The following CELSR2 variants were observed in gnomAD, a reference collection of about 807,000 sequenced individuals.
CELSR2 encodes cadherin EGF LAG seven-pass G-type receptor 2.
Under a neutral mutation model 251.6 loss-of-function variants are expected in CELSR2, and 81 were observed. The ratio of observed to expected loss-of-function variants is 0.32; its 90% CI spans 0.27 to 0.39. The LOEUF is 0.39. Among genes scored for constraint, CELSR2 ranks in the 10% least tolerant of loss-of-function variants. CELSR2 has a pLI of 1.00. For missense variants in CELSR2, 3,365 were observed against 3,947.7 expected (o/e 0.85, Z 3.96); for synonymous variants, 1,721 against 1,670.5 (o/e 1.03, Z -0.74).
At chr1:109,267,521 C>A in intron 15 of CELSR2, 27 bp from the exon 16 acceptor site, 1 of 1,606,772 alleles carries the variant, frequency 6.2e-7, no homozygotes, top group South Asian at 1.1e-5. Flanking sequence ...CTCCCTGAGG[C>A]CGGCCCTTTT....
At position 109,262,824 on chromosome 1, in the gene CELSR2, G is replaced by T; in HGVS notation, c.4563G>T (p.Gly1521=). The stretch of plus-strand genomic sequence containing the variant: ...CCCCCAGGTCTCTGGATCTGACGGG[G>T]CCCCTGCTACTAGGCGGGGTGCCTG... ...GGSKKSLDLT[G]PLLLGGVPDL... The change falls in exon 7 of 34, where the codon GGG becomes GGT. Residue 1521 remains glycine, a synonymous_variant. Transcript: ENST00000271332. The T allele has an allele frequency of 6.2e-7, 1 of 1,613,186 alleles. No individual in the cohort carries two copies. The highest frequency in any genetic ancestry group is 8.5e-7 in the Non-Finnish European group (1 of 1,179,750).
Position 109,269,813 on chromosome 1 carries a change from G to T in CELSR2, c.7100G>T (p.Arg2367Leu), listed in dbSNP as rs531584869. The change falls in exon 22 of 34, where the codon CGG (arginine) becomes CTG (leucine). Residue 2367 changes from arginine to leucine, a missense_variant. By Grantham distance (102) the Arg-to-Leu change is moderately radical. This residue lies in a region of CELSR2 where 2,093 missense variants were observed against 2,382.8 expected (regional missense o/e 0.88). Coordinates refer to ENST00000271332, the MANE Select transcript of CELSR2 (RefSeq NM_001408.3). The surrounding 1 kb of genome is among the most constrained non-coding windows in gnomAD (Gnocchi z 6.4). Reference sequence around the variant, plus strand: ...TTCGCTGTGCTCATGGACGTTTCTCGGCGGGAGGTCGGGCCCACAGGGGCA... The same window carrying T: ...TTCGCTGTGCTCATGGACGTTTCTCTGCGGGAGGTCGGGCCCACAGGGGCA... ...TSFAVLMDVS[R>L]RENGEILPLK... The T allele has an allele frequency of 6.2e-7, 1 of 1,612,622 alleles. No individual in the cohort carries two copies. Among genetic ancestry groups the T allele is most frequent in the African/African-American group, 1.3e-5 (1 of 74,908 alleles).
At chr1:109,262,205 A>AGAG in intron 5 of CELSR2, 82 bp from the exon 6 acceptor site, 3 of 1,548,766 alleles carry the variant, frequency 1.9e-6, no homozygotes, top group Non-Finnish European at 2.6e-6. Flanking sequence ...GGGTGCACAC[A>AGAG]GAGGCACCCA....
At position 109,269,753 on chromosome 1, in the gene CELSR2, G is replaced by A. The variant is rs762016317; in HGVS notation, c.7040G>A (p.Ser2347Asn). The A allele has an allele frequency of 1.9e-6, 3 of 1,613,872 alleles. No individual in the cohort carries two copies. The highest frequency in any genetic ancestry group is 2.5e-6 in the Non-Finnish European group (3 of 1,180,024). Reference protein sequence around the residue: ...RGCEVVFRNESHVSCQCNHMT... With the variant: ...RGCEVVFRNENHVSCQCNHMT... The stretch of plus-strand genomic sequence containing the variant: ...TGTGAAGTCGTCTTCCGCAATGAGA[G>A]CCACGTCAGCTGCCAGTGCAACCAC... Residue 2347 changes from serine (S) to asparagine (N), a missense_variant, in exon 22 of 34, where the codon AGC becomes AAC. Coordinates refer to ENST00000271332, the MANE Select transcript of CELSR2 (RefSeq NM_001408.3). The surrounding 1 kb of genome is among the most constrained non-coding windows in gnomAD (Gnocchi z 6.4).
At chr1:109,273,912 C>A in intron 33 of CELSR2, 110 bp from the exon 34 acceptor site, 1 of 1,423,214 alleles carries the variant, frequency 7.0e-7, no homozygotes, top group Non-Finnish European at 9.9e-7. Flanking sequence ...GGATGGGGAG[C>A]TGGGGGTGCT....
intron 15 of CELSR2, 36 bp downstream of exon 15, chr1:109,266,242 A>G: frequency 6.2e-7 from 1 of 1,610,156 alleles, no homozygotes; most frequent in Non-Finnish European, 8.5e-7. Flanking sequence ...TGTCGAGGAC[A>G]TGGCCTCTGC....
chr1:109,261,554 G>A lies in CELSR2; in HGVS notation c.4223G>A (p.Gly1408Glu). Residue 1408 changes from glycine (G) to glutamate (E), a missense_variant, in exon 4 of 34, where the codon GGG becomes GAG. Physicochemically the swap from Gly to Glu is moderately conservative, Grantham distance 98. This residue lies in a region of CELSR2 where 2,093 missense variants were observed against 2,382.8 expected (regional missense o/e 0.88). Coordinates refer to ENST00000271332, the MANE Select transcript of CELSR2 (RefSeq NM_001408.3). The surrounding 1 kb of genome is among the most constrained non-coding windows in gnomAD (Gnocchi z 4.8). ...KERDGLLLYNGRFNEKHDFVA... is the reference protein window; with the variant it reads ...KERDGLLLYNERFNEKHDFVA... Reference sequence around the variant, plus strand: ...CGCGACGGGTTGCTGTTGTACAATGGGCGTTTCAATGAGAAGCATGACTTT... The same window carrying A: ...CGCGACGGGTTGCTGTTGTACAATGAGCGTTTCAATGAGAAGCATGACTTT... The A allele has an allele frequency of 6.2e-7, 1 of 1,614,196 alleles. No homozygotes were observed. The highest frequency in any genetic ancestry group is 8.5e-7 in the Non-Finnish European group (1 of 1,180,026).
In CELSR2 at chr1:109,249,881, G is replaced by A. The variant is rs1325764606; in HGVS notation, c.-199G>A. ...GACCCGGGAGCGGGTCTGGCTCAGG[G>A]GGCAGTGGGAGCCCGGGCTCGTCGG... On this transcript the variant is annotated 5_prime_UTR_variant, in exon 1 of 34. Transcript: ENST00000271332. 6 of 340,856 alleles carry A rather than the reference G, an allele frequency of 1.8e-5. No individual in the cohort carries two copies. The highest frequency in any genetic ancestry group is 1.3e-4 in the African/African-American group (6 of 45,600). The allele number at this position is 340,856 out of a possible 1,614,324, so 21.1% of individuals were successfully genotyped here. A position where few individuals can be genotyped will look rare whatever the true frequency, so the allele number is the denominator to read the frequency against.
rs746502038 is a variant in CELSR2, at chr1:109,262,821, G to A, written c.4560G>A (p.Thr1520=). 4.3e-6 allele frequency: 7 copies of A among 1,612,988 alleles called. No individual in the cohort carries two copies. Among genetic ancestry groups the A allele is most frequent in the South Asian group, 2.2e-5 (2 of 91,080 alleles). Residue 1520 remains threonine (T), a synonymous_variant, in exon 7 of 34, where the codon ACG becomes ACA. Coordinates refer to ENST00000271332, the MANE Select transcript of CELSR2 (RefSeq NM_001408.3). ...GCTCCCCCAGGTCTCTGGATCTGAC[G>A]GGGCCCCTGCTACTAGGCGGGGTGC... is the stretch of plus-strand genomic sequence containing the variant. ...QGGSKKSLDL[T]GPLLLGGVPD...
In CELSR2 at chr1:109,272,912, C is replaced by T. The variant is rs749854837; in HGVS notation, c.8223C>T (p.Asp2741=). 1.2e-6 allele frequency: 2 copies of T among 1,613,914 alleles called. No homozygotes were observed. The highest frequency in any genetic ancestry group is 4.5e-5 in the East Asian group (2 of 44,870). Reference sequence around the variant, plus strand: ...CCTATGCCTCTACCCACTCATCAGACAGTGAGGAGGAAGAAGAGGAGGAGG... The same window carrying T: ...CCTATGCCTCTACCCACTCATCAGATAGTGAGGAGGAAGAAGAGGAGGAGG... ...SGSYASTHSS[D]SEEEEEEEEE... The change falls in exon 31 of 34, where the codon GAC becomes GAT. Residue 2741 remains aspartate (D), a synonymous_variant. Coordinates refer to ENST00000271332, the MANE Select transcript of CELSR2 (RefSeq NM_001408.3).
chr1:109,273,958 TCTC>T (rs1187919990), intron 33 of CELSR2, 61 bp from the exon 34 acceptor site: 2 of 1,587,780 alleles, frequency 1.3e-6, no homozygotes, highest in Admixed American at 1.7e-5. Flanking sequence ...GCTTTCACTC[TCTC>T]CTCTGTTTCA....
At chr1:109,256,841 G>A (rs188673856) in intron 1 of CELSR2, among the ~76,000 whole-genome samples, 2 of 152,250 alleles carry the variant, frequency 1.3e-5, no homozygotes, top group African/African-American at 4.8e-5. Context: ...TGTATTTTTA[G>A]TAGAGACGGG....
Position 109,269,044 on chromosome 1 carries a change from C to T in CELSR2, c.6631+36C>T, listed in dbSNP as rs371859400. 36 of 1,600,932 alleles carry T rather than the reference C, an allele frequency of 2.2e-5. No homozygotes were observed. In the African/African-American group the frequency reaches 4.3e-4, roughly 19 times the overall value. On this transcript the variant is annotated intron_variant, in intron 19 of 33. Transcript: ENST00000271332. This position sits in a 1 kb window ranked among gnomAD's most constrained non-coding sequence, Gnocchi z 6.4. Reference sequence around the variant, plus strand: ...GCCATGGATTGAGTTGGGAGCTGGACCCCAGTGTCTGTGCAGACTCCACAG... The same window carrying T: ...GCCATGGATTGAGTTGGGAGCTGGATCCCAGTGTCTGTGCAGACTCCACAG...
At chr1:109,263,400 C>G in intron 8 of CELSR2, 133 bp downstream of exon 8, 1 of 1,417,642 alleles carries the variant, frequency 7.1e-7, no homozygotes, top group Non-Finnish European at 9.4e-7. Context: ...TGGGCAGAGC[C>G]CTGAAAGGGC....
At chr1:109,258,173 G>C (rs747951120) in intron 1 of CELSR2, among the ~76,000 whole-genome samples, 1 of 152,162 alleles carries the variant, frequency 6.6e-6, no homozygotes, top group East Asian at 1.9e-4. Context: ...GAGCAGGAGC[G>C]GTGGCTTGGG....
At position 109,251,229 on chromosome 1, in the gene CELSR2, G is replaced by T. The variant is rs149311467; in HGVS notation, c.1150G>T (p.Ala384Ser). 3.5e-3 allele frequency: 5,649 copies of T among 1,614,006 alleles called. 218 individuals carry two copies. In the Admixed American group the frequency reaches 0.067, roughly 19 times the overall value. ...RDPGPRSTTA[A>S]VFLSVEDDND... is the part of the protein sequence containing the mutation. Reference sequence around the variant, plus strand: ...CCCGGGTCCTCGGAGTACCACAGCCGCTGTTTTCCTTTCTGTGGAGGATGA... The same window carrying T: ...CCCGGGTCCTCGGAGTACCACAGCCTCTGTTTTCCTTTCTGTGGAGGATGA... The change falls in exon 1 of 34, where the codon GCT becomes TCT. Residue 384 changes from alanine to serine, a missense_variant. By Grantham distance (99) the Ala-to-Ser change is moderately conservative. Coordinates refer to ENST00000271332, the MANE Select transcript of CELSR2 (RefSeq NM_001408.3). The surrounding 1 kb of genome is among the most constrained non-coding windows in gnomAD (Gnocchi z 4.9).
At position 109,272,821 on chromosome 1, in the gene CELSR2, C is replaced by T; in HGVS notation, c.8144-12C>T. 1.9e-6 allele frequency: 3 copies of T among 1,613,166 alleles called. No individual in the cohort carries two copies. Among genetic ancestry groups the T allele is most frequent in the Non-Finnish European group, 2.5e-6 (3 of 1,179,354 alleles). On this transcript the variant is annotated splice_polypyrimidine_tract_variant and intron_variant, in intron 30 of 33. Transcript: ENST00000271332. The stretch of plus-strand genomic sequence containing the variant: ...TGGCTGGGCTGGCTGTGATCTCTCC[C>T]TGGCCTCCTAGATCCTGACACGGAC...
intron 15 of CELSR2, among the ~76,000 whole-genome samples, chr1:109,267,230 G>A (rs999612010): frequency 4.6e-5 from 7 of 152,072 alleles, no homozygotes; most frequent in Admixed American, 4.6e-4. Flanking sequence ...GGGGGCTGGC[G>A]CTGGTCCTGG....
chr1:109,270,101 T>G lies in CELSR2; in HGVS notation c.7276T>G (p.Phe2426Val). Reference protein sequence around the residue: ...TAALGLAQLVFLLGINQADLP... With the variant: ...TAALGLAQLVVLLGINQADLP... ...TGCCCTGGGCCTGGCTCAGCTGGTC[T>G]TCCTCCTGGGAATCAACCAGGCTGA... is the stretch of plus-strand genomic sequence containing the variant. Residue 2426 changes from phenylalanine (F) to valine (V), a missense_variant, in exon 23 of 34, where the codon TTC becomes GTC. Phe to Val is a conservative substitution (Grantham distance 50, BLOSUM62 -1). This residue lies in a region of CELSR2 where 2,093 missense variants were observed against 2,382.8 expected (regional missense o/e 0.88). Coordinates refer to ENST00000271332, the MANE Select transcript of CELSR2 (RefSeq NM_001408.3). The G allele has an allele frequency of 6.2e-7, 1 of 1,614,002 alleles. No individual in the cohort carries two copies. Among genetic ancestry groups the G allele is most frequent in the Non-Finnish European group, 8.5e-7 (1 of 1,179,982 alleles).
Sources: gnomAD v4.1 joint callset for allele counts (sites outside exome capture counted in the v4.1 genomes callset) on GRCh38, gnomAD v4.1.1 for gene constraint, gnomAD v4.1.1 regional missense constraint, Gnocchi (gnomAD v3.1) non-coding constraint, MANE v1.5 for transcripts, NCBI Gene and HGNC (gene_info 2026-07-23, HGNC 2026-07-21) for gene names.